RBFOX1: variants seen among roughly 807,000 people sequenced by gnomAD.
The protein encoded by RBFOX1 is RNA binding protein fox-1 homolog 1.
In RBFOX1, 8 loss-of-function variants were observed where a neutral mutation model predicts 57.7. The observed-to-expected ratio is 0.14, with a 90% CI of 0.08 to 0.25. RBFOX1 has a LOEUF of 0.25. Among genes scored for constraint, RBFOX1 ranks in the 10% least tolerant of loss-of-function variants. The pLI is 1.00. For missense variants in RBFOX1, 611 were observed against 548.5 expected (o/e 1.11, Z -1.14); for synonymous variants, 326 against 222.4 (o/e 1.47, Z -4.15).
intron 2 of RBFOX1, among the ~76,000 whole-genome samples, chr16:5,493,461 A>G (rs2042900023): frequency 6.6e-6 from 1 of 152,196 alleles, no homozygotes; most frequent in Non-Finnish European, 1.5e-5. Context: ...TGAGTTGGAA[A>G]TAGAAAGAAT....
intron 2 of RBFOX1, among the ~76,000 whole-genome samples, chr16:6,359,344 T>G (rs924723492): frequency 2.0e-5 from 3 of 152,112 alleles, no homozygotes; most frequent in Non-Finnish European, 4.4e-5. Context: ...TCCTCCTGCC[T>G]CAGCCCCCAA....
chr16:6,381,700 G>T (rs1175159901), intron 2 of RBFOX1, among the ~76,000 whole-genome samples: 1 of 152,214 alleles, frequency 6.6e-6, no homozygotes, highest in Non-Finnish European at 1.5e-5. Flanking sequence ...GGGGACATGG[G>T]GTCCTGTGTG....
chr16:6,327,028 C>T (rs965756349), intron 2 of RBFOX1, among the ~76,000 whole-genome samples: 10 of 152,150 alleles, frequency 6.6e-5, no homozygotes, highest in African/African-American at 2.4e-4. Flanking sequence ...ACACAGACAG[C>T]TCTCTGAAGA....
intron 1 of RBFOX1, among the ~76,000 whole-genome samples, chr16:5,317,195 TTCTCTC>T (rs369981628): frequency 1.3e-5 from 2 of 150,518 alleles, no homozygotes; most frequent in African/African-American, 2.4e-5. Flanking sequence ...AAATCCTTTC[TTCTCTC>T]TCTCTCTCTC....
At chr16:7,365,402 G>A (rs2097423205) in intron 4 of RBFOX1, among the ~76,000 whole-genome samples, 1 of 152,114 alleles carries the variant, frequency 6.6e-6, no homozygotes, top group African/African-American at 2.4e-5. Context: ...TAGCCAGGCA[G>A]GACAAAAGAA....
At chr16:7,598,633 G>C (rs2094838901) in intron 9 of RBFOX1, among the ~76,000 whole-genome samples, 1 of 152,034 alleles carries the variant, frequency 6.6e-6, no homozygotes, top group Non-Finnish European at 1.5e-5. Flanking sequence ...GTTTTATTTT[G>C]CGTATTCATG....
At chr16:7,265,065 A>T (rs1207545379) in intron 4 of RBFOX1, among the ~76,000 whole-genome samples, 1 of 152,234 alleles carries the variant, frequency 6.6e-6, no homozygotes, top group Non-Finnish European at 1.5e-5. Context: ...AAATGAGTAT[A>T]ATAAGCTCCC....
chr16:7,281,977 C>T (rs1021372628), intron 4 of RBFOX1, among the ~76,000 whole-genome samples: 22 of 152,244 alleles, frequency 1.4e-4, no homozygotes, highest in Admixed American at 6.5e-4. Context: ...GCAATCCTCC[C>T]ACCTCAGCGT....
chr16:5,751,212 C>T (rs1022937117), intron 3 of RBFOX1, among the ~76,000 whole-genome samples: 2 of 152,164 alleles, frequency 1.3e-5, no homozygotes, highest in Admixed American at 1.3e-4. Context: ...ATTTTAGGCT[C>T]TGGTGGAGAG....
chr16:5,661,691 A>T (rs1302037985), intron 3 of RBFOX1, among the ~76,000 whole-genome samples: 2 of 152,246 alleles, frequency 1.3e-5, no homozygotes, highest in African/African-American at 4.8e-5. Flanking sequence ...TATGGTGAAG[A>T]CACTTAAAGT....
At chr16:7,573,816 C>T (rs1215404136) in intron 5 of RBFOX1, among the ~76,000 whole-genome samples, 1 of 146,776 alleles carries the variant, frequency 6.8e-6, no homozygotes, top group Non-Finnish European at 1.5e-5. Flanking sequence ...GCCTGGGCAA[C>T]AGAACAAGAC....
At chr16:5,369,959 C>T (rs552732518) in intron 1 of RBFOX1, among the ~76,000 whole-genome samples, 5 of 152,118 alleles carry the variant, frequency 3.3e-5, no homozygotes, top group Non-Finnish European at 7.4e-5. Context: ...GGGGAGGCAT[C>T]GCTTAGAGTG....
chr16:5,808,578 A>G (rs1010865868), intron 3 of RBFOX1, among the ~76,000 whole-genome samples: 1 of 152,062 alleles, frequency 6.6e-6, no homozygotes, highest in Middle Eastern at 3.2e-3. Flanking sequence ...ATTTGTTTGT[A>G]TCCTCTTTTA....
chr16:6,488,155 C>G (rs906680595), intron 2 of RBFOX1, among the ~76,000 whole-genome samples: 3 of 152,250 alleles, frequency 2.0e-5, no homozygotes, highest in East Asian at 1.9e-4. Context: ...TGAGGAAGGC[C>G]TCTGCCAGCC....
rs930341241 is a variant in RBFOX1, at chr16:7,653,866, C to T, written c.809C>T (p.Ala270Val). 3 of 1,604,956 alleles carry T rather than the reference C, an allele frequency of 1.9e-6. No homozygotes were observed. Among genetic ancestry groups the T allele is most frequent in the Admixed American group, 1.7e-5 (1 of 59,932 alleles). The change falls in exon 12 of 16, where the codon GCG (alanine) becomes GTG (valine). Residue 270 changes from alanine to valine, a missense_variant. Physicochemically the swap from Ala to Val is moderately conservative, Grantham distance 64 (BLOSUM62 0). Coordinates refer to ENST00000550418, the MANE Select transcript of RBFOX1 (RefSeq NM_018723.4). ...AATAAAAYRG[A>V]HLRGRGRTVY... ...ACCGCCGCGGCCGCCTACCGAGGGG[C>T]GCACCTGCGAGGCCGCGGTCGCACC...
At chr16:7,211,838 C>A (rs142993448) in intron 4 of RBFOX1, among the ~76,000 whole-genome samples, 5 of 152,202 alleles carry the variant, frequency 3.3e-5, no homozygotes, top group African/African-American at 1.2e-4. Context: ...GCCCTTAGCA[C>A]GAGGTGGTTG....
intron 3 of RBFOX1, among the ~76,000 whole-genome samples, chr16:6,822,823 G>A (rs745710075): frequency 6.6e-6 from 1 of 152,186 alleles, no homozygotes; most frequent in Admixed American, 6.5e-5. Context: ...CCTTTTGAGA[G>A]CAATAGCTGA....
chr16:6,111,986 C>T (rs141753322), intron 1 of RBFOX1, among the ~76,000 whole-genome samples: 218 of 152,142 alleles, frequency 1.4e-3, no homozygotes, highest in Middle Eastern at 0.01. Flanking sequence ...ATCGCTAAAA[C>T]TTAATCTGTC....
intron 3 of RBFOX1, among the ~76,000 whole-genome samples, chr16:5,796,244 G>A (rs910326172): frequency 2.0e-5 from 3 of 152,216 alleles, no homozygotes; most frequent in East Asian, 1.9e-4. Context: ...GGATCTGGAA[G>A]GAAGTGGATG....
Sources: allele counts gnomAD v4.1 joint callset (sites outside exome capture counted in the v4.1 genomes callset), GRCh38; gene constraint gnomAD v4.1.1; transcripts MANE v1.5; gene names NCBI Gene and HGNC (gene_info 2026-07-23, HGNC 2026-07-21).